Variants in BOC observed in about 807,000 individuals in gnomAD.
BOC encodes the protein brother of CDO.
Under a neutral mutation model 112.0 loss-of-function variants are expected in BOC, and 76 were observed. The ratio of observed to expected loss-of-function variants is 0.68; its 90% confidence interval spans 0.56 to 0.82. BOC has a LOEUF of 0.82. BOC is among the 40% of genes least tolerant of loss of function. The probability of loss-of-function intolerance (pLI) is 0.00; values close to 1 mark genes in which losing one functional copy is unlikely to be tolerated. For synonymous variants in BOC, 580 were observed against 599.8 expected (o/e 0.97, Z 0.48); for missense variants, 1,309 against 1,511.7 (o/e 0.87, Z 2.22).
chr3:113,281,915 C>T (rs1192591403), intron 15 of BOC, among the ~76,000 whole-genome samples: 1 of 152,136 alleles, frequency 6.6e-6, no homozygotes, highest in Non-Finnish European at 1.5e-5. Context: ...TCATGCACAC[C>T]AGAGGGAGGG....
intron 4 of BOC, among the ~76,000 whole-genome samples, chr3:113,258,327 CGAATTCTTAATCTAGCCACCAGGT>C (rs1242102664): frequency 6.6e-6 from 1 of 152,118 alleles, no homozygotes; most frequent in Non-Finnish European, 1.5e-5. Flanking sequence ...TGAGCTCAAT[CGAATTCTTAATCTAGCCACCAGGT>C]GATTGTCTCT....
chr3:113,246,243 CCT>C (rs1944907811), intron 2 of BOC, among the ~76,000 whole-genome samples: 1 of 152,126 alleles, frequency 6.6e-6, no homozygotes, highest in Non-Finnish European at 1.5e-5. Flanking sequence ...CTGTCAAGTA[CCT>C]AGGCCTCAAT....
At chr3:113,262,036 A>T (rs923780472) in intron 4 of BOC, 4 of 152,138 alleles carry the variant, frequency 2.6e-5, no homozygotes, top group African/African-American at 4.8e-5. Flanking sequence ...AAAAAAGAGC[A>T]TGCCTTGCTT....
chr3:113,221,151 T>C (rs1345627018), intron 2 of BOC, among the ~76,000 whole-genome samples: 1 of 152,232 alleles, frequency 6.6e-6, no homozygotes, highest in Admixed American at 6.5e-5. Flanking sequence ...CTTAGGGTTA[T>C]TGCAAAGAAG....
chr3:113,249,917 C>T lies in BOC; in HGVS notation c.97+18C>T, dbSNP rs1282689417. 1.2e-6 allele frequency: 2 copies of T among 1,602,538 alleles called. No individual in the cohort carries two copies. The highest frequency in any genetic ancestry group is 2.2e-5 in the East Asian group (1 of 44,824). ...TGACTTGAGTGAGTGCTTTCCTTCC[C>T]TTTCCCTGCCCTTACAGTCAAATGG... On this transcript the variant is annotated intron_variant, in intron 3 of 19. Coordinates refer to ENST00000682979, the MANE Select transcript of BOC (RefSeq NM_001378074.1).
intron 1 of BOC, among the ~76,000 whole-genome samples, chr3:113,214,630 G>A (rs1263860074): frequency 6.6e-6 from 1 of 152,198 alleles, no homozygotes; most frequent in African/African-American, 2.4e-5. Context: ...TTTGGAAGTT[G>A]CTTTCTTTCC....
At position 113,250,758 on chromosome 3, in the gene BOC, G is replaced by A; in HGVS notation, c.301G>A (p.Val101Met). Residue 101 changes from valine (V) to methionine (M), a missense_variant, in exon 4 of 20, where the codon GTG becomes ATG. Transcript: ENST00000682979. Reference protein sequence around the residue: ...LVITALNNHTVGRYQCVARMP... With the variant: ...LVITALNNHTMGRYQCVARMP... ...CATCACTGCCCTTAACAACCACACTGTGGGACGGTACCAGTGTGTGGCCCG... is the reference window on the plus strand; with the variant it reads ...CATCACTGCCCTTAACAACCACACTATGGGACGGTACCAGTGTGTGGCCCG... The A allele has an allele frequency of 1.9e-6, 3 of 1,614,166 alleles. No homozygotes were observed. Among genetic ancestry groups the A allele is most frequent in the Non-Finnish European group, 2.5e-6 (3 of 1,180,028 alleles).
At position 113,278,874 on chromosome 3, in the gene BOC, T is replaced by C. The variant is rs1948918501; in HGVS notation, c.1816+91T>C. The C allele has an allele frequency of 1.8e-6, 2 of 1,129,808 alleles. No individual in the cohort carries two copies. The highest frequency in any genetic ancestry group is 4.3e-5 in the Admixed American group (2 of 46,084). The allele number at this position is 1,129,808 out of a possible 1,614,324, so 70.0% of individuals were successfully genotyped here. On this transcript the variant is annotated intron_variant, in intron 11 of 19. Transcript: ENST00000682979. This position sits in a 1 kb window ranked among gnomAD's most constrained non-coding sequence, Gnocchi z 4.2. ...ATGGCTGAATGGGGTCTTGCTTCTG[T>C]AGGTCCAGGGTTTTTATGACATCTC... is the stretch of plus-strand genomic sequence containing the variant.
At chr3:113,216,879 G>A (rs978885139) in intron 2 of BOC, among the ~76,000 whole-genome samples, 33 of 152,110 alleles carry the variant, frequency 2.2e-4, no homozygotes, top group Admixed American at 1.1e-3. Flanking sequence ...GTCTCAACCC[G>A]TTCTGCTGGT....
At chr3:113,256,381 C>T (rs946078635) in intron 4 of BOC, among the ~76,000 whole-genome samples, 2 of 152,224 alleles carry the variant, frequency 1.3e-5, no homozygotes, top group Non-Finnish European at 2.9e-5. Context: ...CAGCCGCCTT[C>T]AGGAGCAGCC....
At chr3:113,259,503 C>A (rs967431356) in intron 4 of BOC, among the ~76,000 whole-genome samples, 7 of 152,170 alleles carry the variant, frequency 4.6e-5, no homozygotes, top group Non-Finnish European at 2.9e-5. Context: ...ACCAAGAGAG[C>A]AAATGAGTCC....
intron 15 of BOC, among the ~76,000 whole-genome samples, chr3:113,281,603 C>A (rs1165013579): frequency 2.6e-5 from 4 of 152,196 alleles, no homozygotes; most frequent in African/African-American, 2.4e-5. Context: ...ACTACAAGAC[C>A]AGCCCCTTTC....
chr3:113,261,291 A>T (rs896533487), intron 4 of BOC, among the ~76,000 whole-genome samples: 6 of 152,264 alleles, frequency 3.9e-5, no homozygotes, highest in African/African-American at 1.4e-4. Flanking sequence ...ACCAGGACTC[A>T]CATTAATTTT....
intron 6 of BOC, 90 bp from the exon 7 acceptor site, chr3:113,272,320 C>A: frequency 7.0e-7 from 1 of 1,419,752 alleles, no homozygotes; most frequent in Admixed American, 1.8e-5. Flanking sequence ...TTGATCCCAT[C>A]TCCATGCTCT....
rs1015351085 is a variant in BOC, at chr3:113,257,322, G to A, written c.376+6489G>A. Among the ~76,000 whole-genome samples, 3 of 152,308 alleles carry A rather than the reference G, an allele frequency of 2.0e-5. No homozygotes were observed. In the East Asian group the frequency reaches 5.8e-4, roughly 29 times the overall value. On this transcript the variant is annotated intron_variant, in intron 4 of 19. Coordinates refer to ENST00000682979, the MANE Select transcript of BOC (RefSeq NM_001378074.1). ...TGGGTGGAGCTGACCATTGGAAGAT[G>A]CAGACACAGAGACCCTGTTGCCCCA...
Sources: gnomAD v4.1 joint callset for allele counts (sites outside exome capture counted in the v4.1 genomes callset) on GRCh38, gnomAD v4.1.1 for gene constraint, Gnocchi (gnomAD v3.1) non-coding constraint, MANE v1.5 for transcripts, NCBI Gene and HGNC (gene_info 2026-07-23, HGNC 2026-07-21) for gene names.